Variants in UVRAG observed in about 807,000 individuals in gnomAD.
UVRAG encodes the protein UV radiation resistance associated.
A neutral mutation model predicts 78.0 loss-of-function variants in UVRAG; 19 were observed. The ratio of observed to expected loss-of-function variants is 0.24; its 90% CI spans 0.17 to 0.36. The LOEUF (loss-of-function observed/expected upper bound fraction) is 0.36, where lower values mean the gene tolerates loss of function less well. Among genes scored for constraint, UVRAG ranks in the 10% least tolerant of loss-of-function variants. The pLI is 1.00. For missense variants in UVRAG, 740 were observed against 853.8 expected, an observed-to-expected ratio of 0.87 and a Z score of 1.66; for synonymous variants, 323 against 324.6, an observed-to-expected ratio of 1.00 and a Z score of 0.05.
In UVRAG at chr11:75,849,281, G is replaced by A. The variant is rs61892922; in HGVS notation, c.118-2602G>A. 1.8e-4 allele frequency among the ~76,000 whole-genome samples: 28 copies of A among 152,066 alleles called. No individual in the cohort carries two copies. In the South Asian group the frequency reaches 3.9e-3, roughly 21 times the overall value. On this transcript the variant is annotated intron_variant, in intron 1 of 14. Coordinates refer to ENST00000356136, the MANE Select transcript of UVRAG (RefSeq NM_003369.4). Reference sequence around the variant, plus strand: ...AGCACTTTGGGAGGCCAAGGCGGGCGGATCACGAGGTCAGAAGATTGAGAC... The same window carrying A: ...AGCACTTTGGGAGGCCAAGGCGGGCAGATCACGAGGTCAGAAGATTGAGAC...
chr11:76,109,125 T>G (rs1255663288), intron 13 of UVRAG, among the ~76,000 whole-genome samples: 1 of 152,214 alleles, frequency 6.6e-6, no homozygotes, highest in African/African-American at 2.4e-5. Context: ...ATATTTTATT[T>G]GCCTAGTTTT....
intron 14 of UVRAG, among the ~76,000 whole-genome samples, chr11:76,139,669 G>C (rs1591277773): frequency 2.0e-5 from 3 of 152,146 alleles, no homozygotes; most frequent in Admixed American, 6.5e-5. Context: ...AGAATGTCTA[G>C]AGCTAGCATA....
intron 1 of UVRAG, among the ~76,000 whole-genome samples, chr11:75,819,086 G>C (rs1945330193): frequency 6.6e-6 from 1 of 152,158 alleles, no homozygotes; most frequent in Non-Finnish European, 1.5e-5. Context: ...TTAGGATAGA[G>C]AGTATCCTTG....
intron 4 of UVRAG, among the ~76,000 whole-genome samples, chr11:75,880,526 C>T (rs907315309): frequency 2.6e-5 from 4 of 152,170 alleles, no homozygotes; most frequent in Non-Finnish European, 5.9e-5. Context: ...CTCTGCTGTA[C>T]CCATGACTGA....
intron 8 of UVRAG, among the ~76,000 whole-genome samples, chr11:75,985,868 C>G (rs1949492179): frequency 6.6e-6 from 1 of 152,000 alleles, no homozygotes; most frequent in Non-Finnish European, 1.5e-5. Flanking sequence ...ACCCTCTGTT[C>G]TGTTCTATTG....
At chr11:76,026,419 G>T (rs1468404165) in intron 12 of UVRAG, among the ~76,000 whole-genome samples, 2 of 152,074 alleles carry the variant, frequency 1.3e-5, no homozygotes, top group East Asian at 3.9e-4. Flanking sequence ...AGTGCAGAGA[G>T]TTCAGAAATG....
intron 7 of UVRAG, among the ~76,000 whole-genome samples, chr11:75,973,009 C>T (rs1949155225): frequency 6.6e-6 from 1 of 152,016 alleles, no homozygotes; most frequent in Non-Finnish European, 1.5e-5. Context: ...TTCTTCTTTC[C>T]CAACACGTGT....
intron 7 of UVRAG, among the ~76,000 whole-genome samples, chr11:75,967,390 A>G (rs569086586): frequency 3.3e-5 from 5 of 152,352 alleles, no homozygotes; most frequent in East Asian, 3.9e-4. Flanking sequence ...TCCTTTTCTT[A>G]GTGGTTGACT....
At chr11:75,920,430 T>C (rs1280965181) in intron 6 of UVRAG, among the ~76,000 whole-genome samples, 1 of 152,158 alleles carries the variant, frequency 6.6e-6, no homozygotes, top group Non-Finnish European at 1.5e-5. Flanking sequence ...ACTATAAATA[T>C]ATCTATGTAT....
intron 1 of UVRAG, 114 bp downstream of exon 1, chr11:75,815,638 G>T: frequency 3.4e-6 from 2 of 587,402 alleles, no homozygotes; most frequent in Non-Finnish European, 5.0e-6. Flanking sequence ...GGACCCGGAG[G>T]GCTCGCGGGA....
intron 2 of UVRAG, among the ~76,000 whole-genome samples, chr11:75,853,034 C>G (rs945695218): frequency 2.0e-5 from 3 of 152,044 alleles, no homozygotes; most frequent in African/African-American, 7.2e-5. Context: ...CCTCCATCTC[C>G]CAAGTAGCTG....
intron 8 of UVRAG, among the ~76,000 whole-genome samples, chr11:75,987,224 A>G (rs943892711): frequency 1.3e-5 from 2 of 152,202 alleles, no homozygotes; most frequent in African/African-American, 2.4e-5. Flanking sequence ...CCAACAATAT[A>G]TGAGGGTTCC....
At chr11:75,844,329 G>A (rs950504824) in intron 1 of UVRAG, among the ~76,000 whole-genome samples, 5 of 151,872 alleles carry the variant, frequency 3.3e-5, no homozygotes, top group East Asian at 1.9e-4. Flanking sequence ...CTGGGTTCAC[G>A]CCATTCTCCT....
At chr11:76,134,509 T>C (rs116053603) in intron 14 of UVRAG, among the ~76,000 whole-genome samples, 112 of 152,240 alleles carry the variant, frequency 7.4e-4, no homozygotes, top group African/African-American at 2.6e-3. Flanking sequence ...GGTAGGAGTT[T>C]CGTTTGTTCC....
At position 76,092,473 on chromosome 11, in the gene UVRAG, A is replaced by G. The variant is rs529533474; in HGVS notation, c.1306-23451A>G. Among the ~76,000 whole-genome samples the G allele has an allele frequency of 9.9e-5, 15 of 152,206 alleles. No individual in the cohort carries two copies. In the East Asian group the frequency reaches 1.9e-3, roughly 20 times the overall value. ...CCACCAACAGTGTAAAAGCATTCCT[A>G]TTTCTCCACATCCTCTCCAGCACCT... is the stretch of plus-strand genomic sequence containing the variant. On this transcript the variant is annotated intron_variant, in intron 13 of 14. Coordinates refer to ENST00000356136, the MANE Select transcript of UVRAG (RefSeq NM_003369.4).
At chr11:75,915,445 T>A (rs949263571) in intron 6 of UVRAG, among the ~76,000 whole-genome samples, 2 of 152,234 alleles carry the variant, frequency 1.3e-5, no homozygotes, top group African/African-American at 2.4e-5. Flanking sequence ...TTCTTAACTC[T>A]TGGAAATCTC....
chr11:75,826,447 G>A (rs1354469748), intron 1 of UVRAG, among the ~76,000 whole-genome samples: 1 of 151,968 alleles, frequency 6.6e-6, no homozygotes, highest in Non-Finnish European at 1.5e-5. Context: ...GAGCCTGGCC[G>A]AGAACTTGTT....
In UVRAG at chr11:76,086,254, G is replaced by C. The variant is rs142302054; in HGVS notation, c.1305+20466G>C. On this transcript the variant is annotated intron_variant, in intron 13 of 14. Transcript: ENST00000356136. Reference sequence around the variant, plus strand: ...TCCATCATGTATTCTAGAAAGATTTGTCTTTACACATCTGTAAAGCTGCTC... The same window carrying C: ...TCCATCATGTATTCTAGAAAGATTTCTCTTTACACATCTGTAAAGCTGCTC... Among the ~76,000 whole-genome samples, 177 of 152,160 alleles carry C rather than the reference G, an allele frequency of 1.2e-3. 1 individual carries two copies. Among genetic ancestry groups the C allele is most frequent in the African/African-American group, 4.1e-3 (170 of 41,520 alleles).
chr11:75,961,205 A>G (rs930330247), intron 6 of UVRAG, among the ~76,000 whole-genome samples: 3 of 152,080 alleles, frequency 2.0e-5, no homozygotes, highest in African/African-American at 7.2e-5. Flanking sequence ...TGAGTTCTTC[A>G]TCTTACCTCA....
Sources: gnomAD v4.1 joint callset for allele counts (sites outside exome capture counted in the v4.1 genomes callset) on GRCh38, gnomAD v4.1.1 for gene constraint, MANE v1.5 for transcripts, NCBI Gene and HGNC (gene_info 2026-07-23, HGNC 2026-07-21) for gene names.